RIC8B: variants seen among roughly 807,000 people sequenced by gnomAD.
RIC8B encodes the protein RIC8 guanine nucleotide exchange factor B, also known as chaperone Ric-8B.
Under a neutral mutation model 57.5 loss-of-function variants are expected in RIC8B, and 16 were observed. That is an observed-to-expected ratio of 0.28 (90% confidence interval 0.19 to 0.42). The LOEUF is 0.42. Ranked by LOEUF, RIC8B falls within the 10% of genes least tolerant of loss-of-function variation. The pLI, the probability that RIC8B is intolerant of heterozygous loss-of-function variation, is 1.00. For synonymous variants in RIC8B, 216 were observed against 250.8 expected (o/e 0.86, Z 1.31); for missense variants, 481 against 677.0 (o/e 0.71, Z 3.21).
intron 3 of RIC8B, among the ~76,000 whole-genome samples, chr12:106,821,833 C>T (rs1310742122): frequency 6.6e-6 from 1 of 151,836 alleles, no homozygotes; most frequent in Non-Finnish European, 1.5e-5. Context: ...AATCCCAGCA[C>T]TTTGGGAGCC....
intron 6 of RIC8B, 89 bp from the exon 7 acceptor site, chr12:106,851,361 G>T: frequency 1.5e-5 from 8 of 525,674 alleles, no homozygotes; most frequent in Non-Finnish European, 2.5e-5. Flanking sequence ...AACCCCAGTA[G>T]ACATTACAAG....
intron 2 of RIC8B, among the ~76,000 whole-genome samples, chr12:106,797,098 T>C (rs896818890): frequency 6.6e-6 from 1 of 152,176 alleles, no homozygotes; most frequent in Non-Finnish European, 1.5e-5. Flanking sequence ...TGGAAAACAG[T>C]CTGGTGGATC....
intron 2 of RIC8B, among the ~76,000 whole-genome samples, chr12:106,801,855 AG>A (rs1214672033): frequency 6.6e-6 from 1 of 152,232 alleles, no homozygotes; most frequent in East Asian, 1.9e-4. Context: ...AGTTATAGTA[AG>A]CTTATTTTAG....
At chr12:106,834,395 A>G (rs1399681641) in intron 4 of RIC8B, among the ~76,000 whole-genome samples, 1 of 152,230 alleles carries the variant, frequency 6.6e-6, no homozygotes, top group Non-Finnish European at 1.5e-5. Flanking sequence ...TTAAAACTGG[A>G]TATAATATAT....
intron 3 of RIC8B, among the ~76,000 whole-genome samples, chr12:106,818,291 G>C (rs1185427621): frequency 2.6e-5 from 4 of 151,380 alleles, no homozygotes; most frequent in Non-Finnish European, 4.4e-5. Flanking sequence ...CTCAGCCTCT[G>C]GAGTAGCTGG....
intron 9 of RIC8B, among the ~76,000 whole-genome samples, chr12:106,875,586 C>G (rs897489452): frequency 6.6e-6 from 1 of 152,132 alleles, no homozygotes; most frequent in Admixed American, 6.6e-5. Context: ...CTCTAATCCC[C>G]TTTAGTTTCT....
intron 8 of RIC8B, among the ~76,000 whole-genome samples, chr12:106,866,895 G>A (rs572815376): frequency 3.9e-5 from 6 of 152,150 alleles, no homozygotes; most frequent in Non-Finnish European, 2.9e-5. Flanking sequence ...ACCAGTTGAT[G>A]GAATTGAGTA....
chr12:106,879,566 T>C lies in RIC8B; in HGVS notation c.1572-6338T>C. ...AAAACAGACCAGAATATTTTAAATA[T>C]GGTGTAAATTCCGTATCTCCCATCC... On this transcript the variant is annotated intron_variant, in intron 9 of 9. Transcript: ENST00000392837. The surrounding 1 kb of genome is among the most constrained non-coding windows in gnomAD (Gnocchi z 4.9). The C allele has an allele frequency of 2.0e-6, 2 of 985,158 alleles. No individual in the cohort carries two copies. Among genetic ancestry groups the C allele is most frequent in the Non-Finnish European group, 2.4e-6 (2 of 829,794 alleles). The allele number at this position is 985,158 out of a possible 1,614,324, so 61.0% of individuals were successfully genotyped here. A position where few individuals can be genotyped will look rare whatever the true frequency, so the allele number is the denominator to read the frequency against.
Position 106,814,987 on chromosome 12 carries a change from G to T in RIC8B, c.424G>T (p.Ala142Ser), listed in dbSNP as rs1161191279. 12 of 1,614,222 alleles carry T rather than the reference G, an allele frequency of 7.4e-6. No homozygotes were observed. The highest frequency in any genetic ancestry group is 1.3e-5 in the African/African-American group (1 of 75,066). Residue 142 changes from alanine (A) to serine (S), a missense_variant, in exon 3 of 10, where the codon GCA (alanine) becomes TCA (serine). Transcript: ENST00000392837. ...GCTCAGCCTGGAACTTAATCTTGCT[G>T]CAAAGCTCTGTAACCTCCTGAGAAA... ...QQLSLELNLA[A>S]KLCNLLRKCK...
chr12:106,842,664 A>C lies in RIC8B; in HGVS notation c.912A>C (p.Glu304Asp). ...DVLICPLTHE[E>D]TAQEATTLDE... ...TCATTTGTCCGTTAACCCATGAAGA[A>C]ACAGCCCAAGAGGCAACGACTCTAG... is the stretch of plus-strand genomic sequence containing the variant. Residue 304 changes from glutamate (E) to aspartate (D), a missense_variant, in exon 5 of 10, where the codon GAA (glutamate) becomes GAC (aspartate). Glu to Asp is a conservative substitution (Grantham distance 45). Coordinates refer to ENST00000392837, the MANE Select transcript of RIC8B (RefSeq NM_001330145.2). 1 of 1,614,118 alleles carries C rather than the reference A, an allele frequency of 6.2e-7. No homozygotes were observed. The highest frequency in any genetic ancestry group is 1.1e-5 in the South Asian group (1 of 91,080).
chr12:106,807,356 C>T (rs2045087241), intron 2 of RIC8B, among the ~76,000 whole-genome samples: 1 of 152,226 alleles, frequency 6.6e-6, no homozygotes, highest in East Asian at 1.9e-4. Flanking sequence ...ATCATTCAGG[C>T]AGTGAATGGC....
chr12:106,877,367 T>A (rs1228195167), intron 9 of RIC8B, among the ~76,000 whole-genome samples: 1 of 152,148 alleles, frequency 6.6e-6, no homozygotes, highest in East Asian at 1.9e-4. Flanking sequence ...TGTCTGATTA[T>A]TTTTAAATAA....
chr12:106,785,534 A>G (rs574111543), intron 2 of RIC8B, among the ~76,000 whole-genome samples: 1 of 152,292 alleles, frequency 6.6e-6, no homozygotes, highest in East Asian at 1.9e-4. Context: ...TGCCCAGCAC[A>G]TAATAGGCAC....
chr12:106,818,972 G>A (rs934820815), intron 3 of RIC8B, among the ~76,000 whole-genome samples: 4 of 151,904 alleles, frequency 2.6e-5, no homozygotes, highest in African/African-American at 9.7e-5. Context: ...CTCCATGTTG[G>A]TCAGGCTGGT....
intron 7 of RIC8B, among the ~76,000 whole-genome samples, chr12:106,855,826 G>A (rs889845845): frequency 2.6e-5 from 4 of 151,914 alleles, no homozygotes; most frequent in Non-Finnish European, 5.9e-5. Context: ...TGTATCTTTA[G>A]CCCCAACCTT....
intron 4 of RIC8B, among the ~76,000 whole-genome samples, chr12:106,826,447 G>A (rs77273302): frequency 0.022 from 3,381 of 152,304 alleles, 139 homozygotes; most frequent in African/African-American, 0.077. Flanking sequence ...AGGGCATAGT[G>A]TCTAGCATTA....
chr12:106,789,464 C>T (rs1286583643), intron 2 of RIC8B, among the ~76,000 whole-genome samples: 1 of 152,052 alleles, frequency 6.6e-6, no homozygotes, highest in Non-Finnish European at 1.5e-5. Context: ...AAAGACATAC[C>T]CGAGACTGGG....
intron 4 of RIC8B, among the ~76,000 whole-genome samples, chr12:106,826,092 G>A (rs1339895112): frequency 6.6e-6 from 1 of 152,140 alleles, no homozygotes; most frequent in Non-Finnish European, 1.5e-5. Context: ...ACTGTTCTTG[G>A]TTTTATCCAG....
intron 9 of RIC8B, among the ~76,000 whole-genome samples, chr12:106,872,669 CA>C (rs11396158): frequency 9.5e-4 from 88 of 92,830 alleles, no homozygotes; most frequent in East Asian, 9.2e-3. Context: ...AACTCTGTCT[CA>C]AAAAAAAAAA....
Sources: gnomAD v4.1 joint callset for allele counts (sites outside exome capture counted in the v4.1 genomes callset) on GRCh38, gnomAD v4.1.1 for gene constraint, Gnocchi (gnomAD v3.1) non-coding constraint, MANE v1.5 for transcripts, NCBI Gene and HGNC (gene_info 2026-07-23, HGNC 2026-07-21) for gene names.